MAN2A2: variants seen among roughly 807,000 people sequenced by gnomAD.
MAN2A2 encodes alpha-mannosidase 2x.
A neutral mutation model predicts 126.8 loss-of-function variants in MAN2A2; 79 were observed. That is an observed-to-expected ratio of 0.62 (90% CI 0.52 to 0.75). The LOEUF (loss-of-function observed/expected upper bound fraction) is 0.75, where lower values mean the gene tolerates loss of function less well. MAN2A2 is among the 30% of genes least tolerant of loss of function. The pLI is 0.00. For missense variants in MAN2A2, 1,392 were observed against 1,522.4 expected, an observed-to-expected ratio of 0.91 and a Z score of 1.43; for synonymous variants, 671 against 618.7, an observed-to-expected ratio of 1.08 and a Z score of -1.25.
Position 90,919,697 on chromosome 15 carries a change from G to A in MAN2A2, c.3363G>A (p.Thr1121=), listed in dbSNP as rs765551164. The change falls in exon 23 of 23, where the codon ACG becomes ACA. Residue 1121 remains threonine, a synonymous_variant. Coordinates refer to ENST00000559717, the MANE Select transcript of MAN2A2 (RefSeq NM_006122.4). ...DVVFLQPTSL[T]LLYPLASPSN... is the part of the protein sequence containing the mutation. ...TATTCCTTCAGCCAACCTCCTTGAC[G>A]TTACTGTACCCTCTGGCCTCCCCGT... 11 of 1,614,156 alleles carry A rather than the reference G, an allele frequency of 6.8e-6. No homozygotes were observed. The highest frequency in any genetic ancestry group is 2.2e-5 in the East Asian group (1 of 44,886).
At chr15:90,917,901 G>T in intron 20 of MAN2A2, 1 of 360,418 alleles carries the variant, frequency 2.8e-6, no homozygotes, top group Non-Finnish European at 5.2e-6. Context: ...CATGTGTGAG[G>T]GGAGACATGG....
chr15:90,908,056 T>G (rs1261083764), intron 8 of MAN2A2, among the ~76,000 whole-genome samples: 1 of 152,238 alleles, frequency 6.6e-6, no homozygotes, highest in African/African-American at 2.4e-5. Flanking sequence ...TATGTTGCAA[T>G]GCTCTGATTT....
chr15:90,906,581 G>T (rs905867460), intron 6 of MAN2A2, 84 bp downstream of exon 6: 5 of 1,603,506 alleles, frequency 3.1e-6, no homozygotes, highest in Admixed American at 3.4e-5. Flanking sequence ...ATCGGCAGGG[G>T]GTGGTTCCTT....
rs371589618 is a variant in MAN2A2, at chr15:90,919,750, C to T, written c.3416C>T (p.Pro1139Leu). 6 of 1,614,102 alleles carry T rather than the reference C, an allele frequency of 3.7e-6. No individual in the cohort carries two copies. The African/African-American group carries it at 6.7e-5, about 18-fold the overall frequency. Residue 1139 changes from proline to leucine, a missense_variant, in exon 23 of 23, where the codon CCC becomes CTC. By Grantham distance (98) the Pro-to-Leu change is moderately conservative (BLOSUM62 -3). Transcript: ENST00000559717. ...AACAGCACTGACGTCTATTTGGAGCCCATGGAGATTGCTACCTTTCGCCTC... is the reference window on the plus strand; with the variant it reads ...AACAGCACTGACGTCTATTTGGAGCTCATGGAGATTGCTACCTTTCGCCTC... ...PSNSTDVYLEPMEIATFRLRL... is the reference protein window; with the variant it reads ...PSNSTDVYLELMEIATFRLRL...
intron 6 of MAN2A2, 79 bp from the exon 7 acceptor site, chr15:90,906,661 G>A: frequency 6.3e-7 from 1 of 1,578,668 alleles, no homozygotes; most frequent in Non-Finnish European, 8.6e-7. Context: ...ACAAGAGCTG[G>A]GGTCCCAGCA....
At chr15:90,909,597 G>A (rs1260503345) in intron 9 of MAN2A2, 93 bp downstream of exon 9, 2 of 1,305,076 alleles carry the variant, frequency 1.5e-6, no homozygotes, top group African/African-American at 1.5e-5. Flanking sequence ...CTCGGGCAGG[G>A]TGCCCCCCTT....
rs1246702594 is a variant in MAN2A2 at position 90,906,287 on chromosome 15, T to G, written c.708-83T>G. The stretch of plus-strand genomic sequence containing the variant: ...GGGAGAACTGGTCCAGTGAGGCCAG[T>G]GCACACAGGCCCTGACATTTGCTGG... On this transcript the variant is annotated intron_variant, in intron 5 of 22. Transcript: ENST00000559717. 2.6e-6 allele frequency: 4 copies of G among 1,561,188 alleles called. No homozygotes were observed. In the Admixed American group the frequency reaches 5.4e-5, roughly 21 times the overall value.
chr15:90,911,461 C>T lies in MAN2A2; in HGVS notation c.2020C>T (p.Arg674Cys), dbSNP rs377597565. 2.7e-5 allele frequency: 44 copies of T among 1,614,224 alleles called. No homozygotes were observed. Among genetic ancestry groups the T allele is most frequent in the Non-Finnish European group, 3.6e-5 (43 of 1,180,036 alleles). ...CCTGCTGGTCAACTCTCCCCGCGTG[C>T]GTGTCCTTTCGGAGGAGGGTCAGCC... Reference protein sequence around the residue: ...VSLLVNSPRVRVLSEEGQPLA... With the variant: ...VSLLVNSPRVCVLSEEGQPLA... Residue 674 changes from arginine to cysteine, a missense_variant, in exon 14 of 23, where the codon CGT becomes TGT. By Grantham distance (180) the Arg-to-Cys change is radical (BLOSUM62 -3). Transcript: ENST00000559717.
chr15:90,911,825 A>G (rs905728927), intron 14 of MAN2A2: 3 of 612,956 alleles, frequency 4.9e-6, no homozygotes, highest in Non-Finnish European at 8.7e-6. Flanking sequence ...TCGAAAGCTT[A>G]ATGTGTTGTT....
intron 9 of MAN2A2, 113 bp from the exon 10 acceptor site, chr15:90,909,977 C>CATGT (rs2151305445): frequency 1.1e-6 from 1 of 882,500 alleles, no homozygotes; most frequent in East Asian, 2.4e-5. Context: ...GCAGGATGTA[C>CATGT]AGTTCCTGCT....
At chr15:90,913,480 C>G in intron 18 of MAN2A2, 74 bp downstream of exon 18, 1 of 1,577,268 alleles carries the variant, frequency 6.3e-7, no homozygotes, top group South Asian at 1.1e-5. Context: ...TGTCACAGGC[C>G]CTGGGGGATG....
chr15:90,906,603 C>A, intron 6 of MAN2A2, 106 bp downstream of exon 6: 2 of 1,579,614 alleles, frequency 1.3e-6, no homozygotes, highest in South Asian at 1.1e-5. Context: ...CTAGGCAGAT[C>A]CCACCATGTG....
At position 90,913,318 on chromosome 15, in the gene MAN2A2, G is replaced by A. The variant is rs749237436; in HGVS notation, c.2630G>A (p.Arg877Gln). The A allele has an allele frequency of 9.3e-6, 15 of 1,613,884 alleles. No individual in the cohort carries two copies. Among genetic ancestry groups the A allele is most frequent in the South Asian group, 2.2e-5 (2 of 91,074 alleles). The change falls in exon 18 of 23, where the codon CGG (arginine) becomes CAG (glutamine). Residue 877 changes from arginine (R) to glutamine (Q), a missense_variant. Transcript: ENST00000559717. The stretch of plus-strand genomic sequence containing the variant: ...GACATATCATCCCTGGTGGACATCC[G>A]GGACTACGTCAACAAGGAGCTGGCC... ...SLDISSLVDI[R>Q]DYVNKELALH...
At chr15:90,919,048 A>G (rs1190739957) in intron 22 of MAN2A2, among the ~76,000 whole-genome samples, 3 of 152,228 alleles carry the variant, frequency 2.0e-5, no homozygotes, top group African/African-American at 7.2e-5. Context: ...TTGTAAGCTC[A>G]TATCAGCCGG....
At position 90,910,069 on chromosome 15, in the gene MAN2A2, G is replaced by T. The variant is rs139275243; in HGVS notation, c.1375-21G>T. ...AGGAGGCTCTAGAACTGATGGGAGT[G>T]GGTTTTTGGGGTTCCCACAGGCCCA... On this transcript the variant is annotated intron_variant, in intron 9 of 22. Transcript: ENST00000559717. The T allele has an allele frequency of 3.2e-3, 5,060 of 1,599,272 alleles. 95 individuals are homozygous for T. In the Admixed American group the frequency reaches 0.046, roughly 15 times the overall value.
At position 90,913,785 on chromosome 15, in the gene MAN2A2, G is replaced by A. The variant is rs765464897; in HGVS notation, c.2860+30G>A. ...GTAGGGCCCAGGAGTTCTGCAGAGG[G>A]TATCAGACAAAAAGAAGCCCGTCCC... is the stretch of plus-strand genomic sequence containing the variant. On this transcript the variant is annotated intron_variant, in intron 19 of 22. Transcript: ENST00000559717. The A allele has an allele frequency of 3.2e-6, 5 of 1,558,404 alleles. No homozygotes were observed. In the South Asian group the frequency reaches 3.5e-5, roughly 11 times the overall value.
chr15:90,920,232 C>G lies in MAN2A2; in HGVS notation c.*445C>G, dbSNP rs1333664907. 1 of 168,052 alleles carries G rather than the reference C, an allele frequency of 6.0e-6. No individual in the cohort carries two copies. Among genetic ancestry groups the G allele is most frequent in the Non-Finnish European group, 1.3e-5 (1 of 77,706 alleles). The allele number at this position is 168,052 out of a possible 1,614,324, so 10.4% of individuals were successfully genotyped here. A position where few individuals can be genotyped will look rare whatever the true frequency, so the allele number is the denominator to read the frequency against. ...GGAATCCTGTGGTTATGTAGAGACT[C>G]CATGTCCTGGTGTGATGAGCAGGAT... On this transcript the variant is annotated 3_prime_UTR_variant, in exon 23 of 23. Transcript: ENST00000559717.
At chr15:90,913,043 T>C (rs756929411) in intron 17 of MAN2A2, 52 bp downstream of exon 17, 4 of 1,447,644 alleles carry the variant, frequency 2.8e-6, no homozygotes, top group South Asian at 2.3e-5. Context: ...GCTCCACAAC[T>C]GTGGCGTATT....
chr15:90,909,605 CTT>C (rs147151470), intron 9 of MAN2A2, 101 bp downstream of exon 9: 17,509 of 821,292 alleles, frequency 0.021, 2 homozygotes, highest in South Asian at 0.033. Flanking sequence ...GGGTGCCCCC[CTT>C]TTTTTTTTTT....
Sources: allele counts gnomAD v4.1 joint callset (sites outside exome capture counted in the v4.1 genomes callset), GRCh38; gene constraint gnomAD v4.1.1; transcripts MANE v1.5; gene names NCBI Gene and HGNC (gene_info 2026-07-23, HGNC 2026-07-21).